Variants in CELSR1 observed in about 807,000 individuals in gnomAD.
The protein encoded by CELSR1 is cadherin EGF LAG seven-pass G-type receptor 1.
Under a neutral mutation model 249.1 loss-of-function variants are expected in CELSR1, and 110 were observed. The ratio of observed to expected loss-of-function variants is 0.44; its 90% CI spans 0.38 to 0.52. CELSR1 has a LOEUF of 0.52. CELSR1 is among the 20% of genes least tolerant of loss of function. CELSR1 has a pLI of 0.00. For synonymous variants in CELSR1, 2,113 were observed against 1,900.0 expected, an observed-to-expected ratio of 1.11 and a Z score of -2.92; for missense variants, 4,109 against 4,296.4, an observed-to-expected ratio of 0.96 and a Z score of 1.22.
In CELSR1 at chr22:46,436,270, TC is replaced by T; in HGVS notation, c.4425del (p.Asn1476ThrfsTer47). ...CGGCCGTTGTAGAGAAGCAAGCCGTTCCTTTCCTGAGTGGCAAACCTGTGGG... is the reference window on the plus strand; with the variant it reads ...CGGCCGTTGTAGAGAAGCAAGCCGTTCTTTCCTGAGTGGCAAACCTGTGGG... ...TISLTFATQE[R>X]NGLLLYNGRF... is the part of the protein sequence containing the mutation. On this transcript the variant is annotated frameshift_variant, in exon 4 of 35. Coordinates refer to ENST00000674500, the MANE Select transcript of CELSR1 (RefSeq NM_001378328.1). LOFTEE classifies it high-confidence loss of function. The surrounding 1 kb of genome is among the most constrained non-coding windows in gnomAD (Gnocchi z 5.9). The T allele has an allele frequency of 6.2e-7, 1 of 1,614,020 alleles. No individual in the cohort carries two copies. The highest frequency in any genetic ancestry group is 8.5e-7 in the Non-Finnish European group (1 of 1,179,972).
intron 2 of CELSR1, 99 bp downstream of exon 2, chr22:46,463,608 T>C: frequency 6.1e-6 from 8 of 1,313,696 alleles, no homozygotes; most frequent in African/African-American, 1.5e-5. Context: ...CCTCCAGCTG[T>C]TTTCCCCGGA....
Position 46,534,126 on chromosome 22 carries a change from C to T in CELSR1, c.3045G>A (p.Gly1015=). ...ELFVEENNPV[G]SVVAKIRAND... ...TAGCACGAATCTTTGCCACCACCGACCCCACTGGGTTGTTCTCCTCAACAA... is the reference window on the plus strand; with the variant it reads ...TAGCACGAATCTTTGCCACCACCGATCCCACTGGGTTGTTCTCCTCAACAA... Residue 1015 remains glycine (G), a synonymous_variant, in exon 1 of 35, where the codon GGG becomes GGA. Transcript: ENST00000674500. This position sits in a 1 kb window ranked among gnomAD's most constrained non-coding sequence, Gnocchi z 9.7. 1 of 1,613,814 alleles carries T rather than the reference C, an allele frequency of 6.2e-7. No individual in the cohort carries two copies. Among genetic ancestry groups the T allele is most frequent in the Non-Finnish European group, 8.5e-7 (1 of 1,180,042 alleles).
rs1333229285 is a variant in CELSR1, at chr22:46,407,915, A to T, written c.5226+1081T>A. ...TGCCCCGCCATCACTACAGACGAGA[A>T]TGACCTTCAGATGCACAGGCAGAGG... On this transcript the variant is annotated intron_variant, in intron 9 of 34. Coordinates refer to ENST00000674500, the MANE Select transcript of CELSR1 (RefSeq NM_001378328.1). This position sits in a 1 kb window ranked among gnomAD's most constrained non-coding sequence, Gnocchi z 4.8. Among the ~76,000 whole-genome samples the T allele has an allele frequency of 6.6e-6, 1 of 152,196 alleles. No individual in the cohort carries two copies. Among genetic ancestry groups the T allele is most frequent in the Non-Finnish European group, 1.5e-5 (1 of 68,030 alleles).
chr22:46,511,439 A>C (rs1569210785), intron 1 of CELSR1, among the ~76,000 whole-genome samples: 2 of 152,320 alleles, frequency 1.3e-5, no homozygotes, highest in Non-Finnish European at 1.5e-5. Flanking sequence ...CATCGCTCCA[A>C]AACAGAGCAT....
chr22:46,369,781 G>A lies in CELSR1; in HGVS notation c.7783C>T (p.Gln2595Ter). The A allele has an allele frequency of 6.2e-7, 1 of 1,613,146 alleles. No individual in the cohort carries two copies. The highest frequency in any genetic ancestry group is 8.5e-7 in the Non-Finnish European group (1 of 1,179,968). ...CAGAAGTCGGGGTTCCCGTAGCCCTGGGGGTCCAGGCCGACCGCCAGTCCT... is the reference window on the plus strand; with the variant it reads ...CAGAAGTCGGGGTTCCCGTAGCCCTAGGGGTCCAGGCCGACCGCCAGTCCT... ...VTGLAVGLDP[Q>*]GYGNPDFCWL... is the part of the protein sequence containing the mutation. The change falls in exon 26 of 35, where the codon CAG becomes TAG. Residue 2595 changes from glutamine (Q) to a stop codon, truncating the protein, a stop_gained. Transcript: ENST00000674500. LOFTEE classifies it high-confidence loss of function.
chr22:46,388,445 G>A (rs932178402), intron 18 of CELSR1, among the ~76,000 whole-genome samples: 1 of 152,218 alleles, frequency 6.6e-6, no homozygotes, highest in African/African-American at 2.4e-5. Context: ...CTCTCAGGCT[G>A]GGACTCAAAT....
chr22:46,494,798 C>T (rs781361196), intron 1 of CELSR1, among the ~76,000 whole-genome samples: 7 of 152,286 alleles, frequency 4.6e-5, no homozygotes, highest in Non-Finnish European at 5.9e-5. Context: ...TGAGCCACTG[C>T]ACCCAGCCCT....
At chr22:46,459,395 AC>A (rs919251957) in intron 2 of CELSR1, among the ~76,000 whole-genome samples, 11 of 152,088 alleles carry the variant, frequency 7.2e-5, no homozygotes, top group African/African-American at 2.7e-4. Flanking sequence ...ACTGCATACC[AC>A]CCATCACACT....
chr22:46,445,312 GA>G lies in CELSR1; in HGVS notation c.4184-5902del, dbSNP rs748768639. On this transcript the variant is annotated intron_variant, in intron 2 of 34. Coordinates refer to ENST00000674500, the MANE Select transcript of CELSR1 (RefSeq NM_001378328.1). This position sits in a 1 kb window ranked among gnomAD's most constrained non-coding sequence, Gnocchi z 4.4. The stretch of plus-strand genomic sequence containing the variant: ...AGTTCGAGACCAGCCTGGCCAATGT[GA>G]CAAAACCCCGTCTCTACTAAAAATA... Among the ~76,000 whole-genome samples, 2 of 151,960 alleles carry G rather than the reference GA, an allele frequency of 1.3e-5. No individual in the cohort carries two copies. The highest frequency in any genetic ancestry group is 2.9e-5 in the Non-Finnish European group (2 of 68,022).
In CELSR1 at chr22:46,536,545, G is replaced by A. The variant is rs749041303; in HGVS notation, c.626C>T (p.Ser209Phe). 9 of 1,366,810 alleles carry A rather than the reference G, an allele frequency of 6.6e-6. No individual in the cohort carries two copies. The highest frequency in any genetic ancestry group is 2.3e-4 in the Middle Eastern group (1 of 4,374). The allele number at this position is 1,366,810 out of a possible 1,614,324, so 84.7% of individuals were successfully genotyped here. ...GGGCGGCGATGGGGATGGCGACGCG[G>A]AGGGCGTCCCCGCGGTGGCGGCCTC... ...ALEAATAGTP[S>F]ASPSPSPPLP... The change falls in exon 1 of 35, where the codon TCC (serine) becomes TTC (phenylalanine). Residue 209 changes from serine to phenylalanine, a missense_variant. This residue lies in a region of CELSR1 where 673 missense variants were observed against 636.8 expected (regional missense o/e 1.06). Coordinates refer to ENST00000674500, the MANE Select transcript of CELSR1 (RefSeq NM_001378328.1).
Position 46,410,561 on chromosome 22 carries a change from C to T in CELSR1, c.4770G>A (p.Lys1590=), listed in dbSNP as rs1053889373. 2 of 1,612,608 alleles carry T rather than the reference C, an allele frequency of 1.2e-6. No homozygotes were observed. The highest frequency in any genetic ancestry group is 1.7e-6 in the Non-Finnish European group (2 of 1,179,000). Residue 1590 remains lysine (K), a splice_region_variant and synonymous_variant, in exon 7 of 35, where the codon AAG becomes AAA. Transcript: ENST00000674500. The surrounding 1 kb of genome is among the most constrained non-coding windows in gnomAD (Gnocchi z 6.8). The stretch of plus-strand genomic sequence containing the variant: ...GTAGAGGGCCGGTCAGATCCAGGGA[C>T]CTGGGTAGGTAAAGCCATCTTCTGT... The part of the protein sequence containing the change: ...AAQGTQTGSK[K]SLDLTGPLLL...
chr22:46,379,977 AAC>A (rs2078959370), intron 22 of CELSR1, among the ~76,000 whole-genome samples: 1 of 152,206 alleles, frequency 6.6e-6, no homozygotes, highest in Non-Finnish European at 1.5e-5. Context: ...AGTGAAAACC[AAC>A]CAGCAGAGAA....
At chr22:46,453,018 G>A (rs918708138) in intron 2 of CELSR1, among the ~76,000 whole-genome samples, 5 of 151,698 alleles carry the variant, frequency 3.3e-5, no homozygotes, top group Admixed American at 1.3e-4. Flanking sequence ...AGGGGAGAGG[G>A]CACTGTGCAG....
At chr22:46,418,571 T>G (rs1407500960) in intron 5 of CELSR1, among the ~76,000 whole-genome samples, 1 of 150,772 alleles carries the variant, frequency 6.6e-6, no homozygotes, top group African/African-American at 2.4e-5. Context: ...AAGCAGCAAG[T>G]AAGCAACTCG....
intron 1 of CELSR1, among the ~76,000 whole-genome samples, chr22:46,489,048 A>G (rs973202241): frequency 6.6e-6 from 1 of 152,078 alleles, no homozygotes; most frequent in South Asian, 2.1e-4. Context: ...CCCACACCCC[A>G]TGGCAGGGCA....
chr22:46,476,086 C>T (rs1362745777), intron 1 of CELSR1, among the ~76,000 whole-genome samples: 1 of 152,134 alleles, frequency 6.6e-6, no homozygotes, highest in Non-Finnish European at 1.5e-5. Flanking sequence ...AGGATTGCTT[C>T]CTCACAAAGC....
At position 46,471,909 on chromosome 22, in the gene CELSR1, T is replaced by G. The variant is rs1220308208; in HGVS notation, c.3545-7564A>C. Among the ~76,000 whole-genome samples, 1 of 152,176 alleles carries G rather than the reference T, an allele frequency of 6.6e-6. No individual in the cohort carries two copies. Among genetic ancestry groups the G allele is most frequent in the Non-Finnish European group, 1.5e-5 (1 of 68,044 alleles). Reference sequence around the variant, plus strand: ...GCTGCGGTCTGTGGCCTTCAGGTGATGACGACTTTCTGCCTCACGCTGTCC... The same window carrying G: ...GCTGCGGTCTGTGGCCTTCAGGTGAGGACGACTTTCTGCCTCACGCTGTCC... On this transcript the variant is annotated intron_variant, in intron 1 of 34. Coordinates refer to ENST00000674500, the MANE Select transcript of CELSR1 (RefSeq NM_001378328.1). This position sits in a 1 kb window ranked among gnomAD's most constrained non-coding sequence, Gnocchi z 4.9.
Position 46,473,993 on chromosome 22 carries a change from G to A in CELSR1, c.3545-9648C>T, listed in dbSNP as rs1018197820. Among the ~76,000 whole-genome samples the A allele has an allele frequency of 2.6e-5, 4 of 152,160 alleles. No individual in the cohort carries two copies. Among genetic ancestry groups the A allele is most frequent in the African/African-American group, 9.7e-5 (4 of 41,422 alleles). ...GGGACAAGCACTTTCAGGGTTGGGT[G>A]TGCGGCGCATGTCAGGATGTCAAGC... On this transcript the variant is annotated intron_variant, in intron 1 of 34. Coordinates refer to ENST00000674500, the MANE Select transcript of CELSR1 (RefSeq NM_001378328.1). This position sits in a 1 kb window ranked among gnomAD's most constrained non-coding sequence, Gnocchi z 6.6.
In CELSR1 at chr22:46,411,508, A is replaced by G. The variant is rs928672088; in HGVS notation, c.4769+94T>C. On this transcript the variant is annotated intron_variant, in intron 6 of 34. Coordinates refer to ENST00000674500, the MANE Select transcript of CELSR1 (RefSeq NM_001378328.1). The surrounding 1 kb of genome is among the most constrained non-coding windows in gnomAD (Gnocchi z 4.2). ...ATGAGGTCGCCAGGGCACTGCACCC[A>G]GAGTGCCTACGTGGGGCCCTGCCCT... 2.6e-5 allele frequency: 37 copies of G among 1,447,914 alleles called. No individual in the cohort carries two copies. The East Asian group carries it at 8.8e-4, about 35-fold the overall frequency. 89.7% of individuals were successfully genotyped at this position (1,447,914 alleles called of 1,614,324 possible).
Sources: allele counts gnomAD v4.1 joint callset (sites outside exome capture counted in the v4.1 genomes callset), GRCh38; gene constraint gnomAD v4.1.1; regional missense constraint gnomAD v4.1.1; non-coding constraint Gnocchi (gnomAD v3.1); transcripts MANE v1.5; gene names NCBI Gene and HGNC (gene_info 2026-07-23, HGNC 2026-07-21).